Variants in SPRY3 observed in about 807,000 individuals in gnomAD.
SPRY3 encodes the protein sprouty RTK signaling antagonist 3.
In SPRY3, 15 loss-of-function variants were observed where a neutral mutation model predicts 20.2. That is an observed-to-expected ratio of 0.74 (90% CI 0.50 to 1.14). The LOEUF (loss-of-function observed/expected upper bound fraction) is 1.14, where lower values mean the gene tolerates loss of function less well. SPRY3 is among the 50% of genes most tolerant of loss of function. The pLI is 0.00. For missense variants in SPRY3, 364 were observed against 363.9 expected (o/e 1.00, Z 0.00); for synonymous variants, 143 against 136.5 (o/e 1.05, Z -0.33).
chrX:155,704,445 T>A (rs2090934607), intron 2 of SPRY3, among the ~76,000 whole-genome samples: 1 of 151,422 alleles, frequency 6.6e-6, no homozygotes, highest in Non-Finnish European at 1.5e-5. Flanking sequence ...TATATTAAAT[T>A]GAAACAAAAA....
chrX:155,727,536 A>G (rs1368020387), intron 2 of SPRY3, among the ~76,000 whole-genome samples: 1 of 151,896 alleles, frequency 6.6e-6, no homozygotes, highest in Non-Finnish European at 1.5e-5. Flanking sequence ...TTCTCACTTT[A>G]TTTCATTAAT....
chrX:155,767,793 C>T (rs1253458550), intron 2 of SPRY3, 169 bp from the exon 2 acceptor site: 1 of 137,106 alleles, frequency 7.3e-6, no homozygotes, highest in Non-Finnish European at 1.6e-5. Flanking sequence ...AGGTGAACAA[C>T]TTACCCTGCT....
intron 2 of SPRY3, among the ~76,000 whole-genome samples, chrX:155,705,388 T>C (rs1029966764): frequency 1.3e-5 from 2 of 151,242 alleles, no homozygotes; most frequent in African/African-American, 4.8e-5. Context: ...TAAGAGAAGA[T>C]AAAGCAGAAT....
Position 155,693,016 on chromosome X carries a change from T to C in SPRY3, c.-282+35991T>C, listed in dbSNP as rs1345242119. 2.7e-5 allele frequency among the ~76,000 whole-genome samples: 3 copies of C among 111,195 alleles called. No individual in the cohort carries two copies. The East Asian group carries it at 8.4e-4, about 31-fold the overall frequency. On this transcript the variant is annotated intron_variant, in intron 2 of 3. Transcript: ENST00000675360. ...TTCTATTTCATTGTTTTTTCCTCTT[T>C]ATTTTTTCTTTCTTCTACTCACTTA...
At chrX:155,741,163 G>A (rs1242241355) in intron 2 of SPRY3, among the ~76,000 whole-genome samples, 1 of 152,080 alleles carries the variant, frequency 6.6e-6, no homozygotes, top group Non-Finnish European at 1.5e-5. Context: ...CATAAATGAC[G>A]TGATGGAGCT....
At chrX:155,780,320 T>C (rs1288532961), downstream of SPRY3, 1 of 167,030 alleles carries the variant, frequency 6.0e-6, no homozygotes, top group East Asian at 1.9e-4. Context: ...GAAGTGGTAA[T>C]GTAGGCAAGC....
At chrX:155,700,616 C>CTTTTTTTTT (rs759851874) in intron 2 of SPRY3, among the ~76,000 whole-genome samples, 1 of 66,062 alleles carries the variant, frequency 1.5e-5, no homozygotes, top group Non-Finnish European at 2.7e-5. Context: ...GAATGAAGTT[C>CTTTTTTTTT]TTTTTTTTTT....
At chrX:155,704,227 A>C (rs982212330) in intron 2 of SPRY3, among the ~76,000 whole-genome samples, 25 of 152,014 alleles carry the variant, frequency 1.6e-4, no homozygotes, top group African/African-American at 4.8e-4. Context: ...GTAACTTAAA[A>C]TAACTATGAG....
At chrX:155,726,687 A>T (rs1244962260) in intron 2 of SPRY3, among the ~76,000 whole-genome samples, 1 of 152,032 alleles carries the variant, frequency 6.6e-6, no homozygotes, top group Non-Finnish European at 1.5e-5. Flanking sequence ...ATCTTCCTCC[A>T]TCCCTTTACT....
chrX:155,708,816 G>C, intron 2 of SPRY3, among the ~76,000 whole-genome samples: 1 of 151,310 alleles, frequency 6.6e-6, no homozygotes, highest in Non-Finnish European at 1.5e-5. Context: ...TTCCCCCATT[G>C]TTATGCTATC....
At position 155,769,902 on chromosome X, in the gene SPRY3, G is replaced by C. The variant is rs780240845; in HGVS notation, c.-107+1766G>C. On this transcript the variant is annotated intron_variant, in intron 3 of 3. Transcript: ENST00000675360. ...CTATATACAACTTGGTATTTGTAAG[G>C]GGGGAGTGCTTTGATAGAGATGCAA... is the stretch of plus-strand genomic sequence containing the variant. Among the ~76,000 whole-genome samples the C allele has an allele frequency of 5.9e-5, 9 of 152,236 alleles. No homozygotes were observed. The South Asian group carries it at 1.9e-3, about 32-fold the overall frequency.
At chrX:155,778,976 A>G (rs1362696825), downstream of SPRY3, 4 of 167,068 alleles carry the variant, frequency 2.4e-5, no homozygotes, top group Admixed American at 6.5e-5. Context: ...AAGAAAGAAG[A>G]ACAAATAAAA....
chrX:155,725,439 G>A (rs752222665), intron 2 of SPRY3, among the ~76,000 whole-genome samples: 8 of 152,162 alleles, frequency 5.3e-5, no homozygotes, highest in East Asian at 1.9e-4. Flanking sequence ...CTGTGAATCC[G>A]TCTGGTCCTG....
intron 2 of SPRY3, among the ~76,000 whole-genome samples, chrX:155,739,670 G>A (rs1489144863): frequency 1.3e-5 from 2 of 152,108 alleles, no homozygotes; most frequent in African/African-American, 4.8e-5. Flanking sequence ...GTGAGGGAGG[G>A]ACCAAGGTGA....
At chrX:155,654,307 C>T (rs1439741046) in intron 1 of SPRY3, among the ~76,000 whole-genome samples, 1 of 111,300 alleles carries the variant, frequency 9.0e-6, no homozygotes, top group African/African-American at 3.3e-5. Flanking sequence ...TAACTATTTT[C>T]TGTTGCTTTT....
chrX:155,622,554 C>A (rs924358408), intron 1 of SPRY3, among the ~76,000 whole-genome samples: 4 of 111,869 alleles, frequency 3.6e-5, no homozygotes, highest in Non-Finnish European at 7.5e-5. Flanking sequence ...ATACCTAGGG[C>A]ATGACTTTGC....
chrX:155,679,469 T>A (rs1215572868), intron 2 of SPRY3, among the ~76,000 whole-genome samples: 1 of 78,108 alleles, frequency 1.3e-5, no homozygotes, highest in Non-Finnish European at 2.5e-5. Context: ...AGGGTGGGGG[T>A]GGGAGTAGCT....
intron 2 of SPRY3, among the ~76,000 whole-genome samples, chrX:155,765,894 G>T (rs1447444030): frequency 2.6e-5 from 4 of 152,158 alleles, no homozygotes; most frequent in African/African-American, 9.7e-5. Flanking sequence ...GAGGTTAATT[G>T]AATTGCCTCA....
chrX:155,662,511 C>G (rs2068012819), intron 2 of SPRY3, among the ~76,000 whole-genome samples: 1 of 109,666 alleles, frequency 9.1e-6, no homozygotes, highest in Non-Finnish European at 1.9e-5. Context: ...AGCTTTACTT[C>G]CAGGCCAGTA....
Sources: gnomAD v4.1 joint callset for allele counts (sites outside exome capture counted in the v4.1 genomes callset) on GRCh38, gnomAD v4.1.1 for gene constraint, MANE v1.5 for transcripts, NCBI Gene and HGNC (gene_info 2026-07-23, HGNC 2026-07-21) for gene names.